MCF2L2: variants seen among roughly 807,000 people sequenced by gnomAD.
MCF2L2 encodes probable guanine nucleotide exchange factor MCF2L2.
In MCF2L2, 102 loss-of-function variants were observed where a neutral mutation model predicts 150.2. The observed-to-expected ratio is 0.68, with a 90% CI of 0.58 to 0.80. The LOEUF (loss-of-function observed/expected upper bound fraction) is 0.80, where lower values mean the gene tolerates loss of function less well. Among genes scored for constraint, MCF2L2 ranks in the 30% least tolerant of loss-of-function variants. The probability of loss-of-function intolerance (pLI) is 0.00; values close to 1 mark genes in which losing one functional copy is unlikely to be tolerated. For synonymous variants in MCF2L2, 465 were observed against 491.3 expected (o/e 0.95, Z 0.71); for missense variants, 1,256 against 1,372.8 (o/e 0.91, Z 1.34).
chr3:183,363,565 G>A (rs1270682040), intron 3 of MCF2L2, among the ~76,000 whole-genome samples: 1 of 132,712 alleles, frequency 7.5e-6, no homozygotes, highest in South Asian at 2.4e-4. Flanking sequence ...GCAACATAGG[G>A]AGACCCCAAC....
chr3:183,300,416 A>G (rs1360712919), intron 10 of MCF2L2, among the ~76,000 whole-genome samples: 1 of 152,190 alleles, frequency 6.6e-6, no homozygotes, highest in African/African-American at 2.4e-5. Context: ...CATTCATTCA[A>G]ATACCTGTTG....
rs1168575988 is a variant in MCF2L2 at position 183,355,451 on chromosome 3, C to CTT, written c.276-13823_276-13822dup. On this transcript the variant is annotated intron_variant, in intron 3 of 29. Transcript: ENST00000328913. ...GCTACCATAATCAACAATTCCTTTC[C>CTT]TTTTTTTTTTTTTTGAGACGGAGTC... Among the ~76,000 whole-genome samples the CTT allele has an allele frequency of 9.9e-3, 1,404 of 141,338 alleles. 40 individuals carry two copies. The highest frequency in any genetic ancestry group is 0.089 in the South Asian group (394 of 4,418). 92.7% of individuals were successfully genotyped at this position (141,338 alleles called of 152,430 possible). A position where few individuals can be genotyped will look rare whatever the true frequency, so the allele number is the denominator to read the frequency against.
At chr3:183,294,345 T>TTTGTTG (rs370642645) in intron 13 of MCF2L2, among the ~76,000 whole-genome samples, 12 of 151,458 alleles carry the variant, frequency 7.9e-5, no homozygotes, top group Non-Finnish European at 1.0e-4. Context: ...TTATGATGCA[T>TTTGTTG]TTGTTGTTGT....
chr3:183,204,829 G>A (rs1380170193), intron 25 of MCF2L2, among the ~76,000 whole-genome samples: 1 of 152,120 alleles, frequency 6.6e-6, no homozygotes, highest in Non-Finnish European at 1.5e-5. Context: ...CCATAAAAAG[G>A]TATGAAGTAC....
chr3:183,224,077 A>T (rs1723257284), intron 19 of MCF2L2, 21 bp downstream of exon 19: 1 of 1,584,632 alleles, frequency 6.3e-7, no homozygotes, highest in African/African-American at 1.3e-5. Flanking sequence ...TCCAGGAAGA[A>T]GTTTGTCTTC....
intron 3 of MCF2L2, among the ~76,000 whole-genome samples, chr3:183,351,865 A>G (rs1326772738): frequency 6.6e-6 from 1 of 152,210 alleles, no homozygotes; most frequent in Non-Finnish European, 1.5e-5. Flanking sequence ...CTTCATCTGC[A>G]AAATGGTGGG....
chr3:183,216,081 C>A lies in MCF2L2; in HGVS notation c.2384G>T (p.Arg795Ile), dbSNP rs746776164. 1 of 1,613,712 alleles carries A rather than the reference C, an allele frequency of 6.2e-7. No homozygotes were observed. The highest frequency in any genetic ancestry group is 8.5e-7 in the Non-Finnish European group (1 of 1,179,802). ...LGGSAKDGPK[R>I]TKDSAFSTEL... The stretch of plus-strand genomic sequence containing the variant: ...AGTTGAGAATGCTGAATCTTTGGTT[C>A]TCTTTGGCCCATCCTGTGGAAAACA... Residue 795 changes from arginine to isoleucine, a missense_variant, in exon 22 of 30, where the codon AGA becomes ATA. Transcript: ENST00000328913.
At chr3:183,338,975 C>G in intron 4 of MCF2L2, 56 bp from the exon 5 acceptor site, 1 of 1,552,944 alleles carries the variant, frequency 6.4e-7, no homozygotes. Flanking sequence ...TATTCGTTAC[C>G]AGGGTCTACT....
At chr3:183,327,904 C>T (rs1231403463) in intron 5 of MCF2L2, among the ~76,000 whole-genome samples, 1 of 152,140 alleles carries the variant, frequency 6.6e-6, no homozygotes, top group African/African-American at 2.4e-5. Flanking sequence ...ATAGGAGTAT[C>T]TTGTATTATT....
intron 15 of MCF2L2, among the ~76,000 whole-genome samples, chr3:183,241,106 G>C (rs1724004943): frequency 6.6e-6 from 1 of 152,212 alleles, no homozygotes; most frequent in Non-Finnish European, 1.5e-5. Context: ...AGAAAAGTCA[G>C]GTGCAGAGGA....
rs759174231 is a variant in MCF2L2 at position 183,309,773 on chromosome 3, G to A, written c.1056C>T (p.Ser352=). ...TAAGAATCTGCTCCACGTGCATCAC[G>A]CTGTCTCCAATGCCTGTAAACTCTG... The part of the protein sequence containing the change: ...EQAEFTGIGD[S]VMHVEQILKE... The change falls in exon 10 of 30, where the codon AGC becomes AGT. Residue 352 remains serine, a synonymous_variant. Coordinates refer to ENST00000328913, the MANE Select transcript of MCF2L2 (RefSeq NM_015078.4). The A allele has an allele frequency of 1.5e-5, 25 of 1,613,590 alleles. No homozygotes were observed. In the African/African-American group the frequency reaches 1.9e-4, roughly 12 times the overall value.
chr3:183,216,190 C>T, intron 21 of MCF2L2, 96 bp from the exon 22 acceptor site: 1 of 1,326,758 alleles, frequency 7.5e-7, no homozygotes. Context: ...GGGATCCAGC[C>T]AACCCTGACT....
intron 15 of MCF2L2, among the ~76,000 whole-genome samples, chr3:183,245,398 G>A (rs973675319): frequency 3.3e-5 from 5 of 152,128 alleles, no homozygotes; most frequent in Non-Finnish European, 5.9e-5. Context: ...GCCACACACA[G>A]GGCCTTACAG....
intron 10 of MCF2L2, 70 bp downstream of exon 10, chr3:183,309,646 T>C: frequency 1.2e-6 from 2 of 1,603,764 alleles, no homozygotes; most frequent in South Asian, 1.1e-5. Context: ...CCAATAGCAA[T>C]GACTGGACAT....
At chr3:183,307,740 C>A (rs549923628) in intron 10 of MCF2L2, among the ~76,000 whole-genome samples, 1 of 152,362 alleles carries the variant, frequency 6.6e-6, no homozygotes, top group East Asian at 1.9e-4. Flanking sequence ...CAGCCCAGAG[C>A]GCCTTCCAAG....
intron 27 of MCF2L2, among the ~76,000 whole-genome samples, chr3:183,192,165 G>C (rs1721919947): frequency 6.6e-6 from 1 of 151,280 alleles, no homozygotes; most frequent in Non-Finnish European, 1.5e-5. Flanking sequence ...TTTTCAGACA[G>C]AGTCTCACTC....
Position 183,224,436 on chromosome 3 carries a change from T to C in MCF2L2, c.2116-246A>G, listed in dbSNP as rs78487841. Reference sequence around the variant, plus strand: ...GCTCTGGGAGCATCTACAAGGGCTATTGGTAAATACATAAGTAGACTCACA... The same window carrying C: ...GCTCTGGGAGCATCTACAAGGGCTACTGGTAAATACATAAGTAGACTCACA... On this transcript the variant is annotated intron_variant, in intron 18 of 29. Coordinates refer to ENST00000328913, the MANE Select transcript of MCF2L2 (RefSeq NM_015078.4). The C allele has an allele frequency of 8.8e-3, 3,608 of 410,594 alleles. 101 individuals are homozygous for C. The highest frequency in any genetic ancestry group is 0.064 in the African/African-American group (3,252 of 50,616). 25.4% of individuals were successfully genotyped at this position (410,594 alleles called of 1,614,324 possible).
chr3:183,223,562 C>G, intron 19 of MCF2L2, 124 bp from the exon 20 acceptor site: 1 of 686,112 alleles, frequency 1.5e-6, no homozygotes, highest in Non-Finnish European at 2.6e-6. Flanking sequence ...CTGTGTCGAG[C>G]AGCTCCATAA....
chr3:183,226,591 A>G (rs1723354779), intron 18 of MCF2L2: 2 of 152,236 alleles, frequency 1.3e-5, no homozygotes, highest in Admixed American at 6.5e-5. Context: ...AAACTTTACA[A>G]TTTAGGAGAG....
Sources: gnomAD v4.1 joint callset for allele counts (sites outside exome capture counted in the v4.1 genomes callset) on GRCh38, gnomAD v4.1.1 for gene constraint, MANE v1.5 for transcripts, NCBI Gene and HGNC (gene_info 2026-07-23, HGNC 2026-07-21) for gene names.